Variants in IL7 observed in about 807,000 individuals in gnomAD.
IL7 encodes interleukin 7, also known as interleukin-7.
Under a neutral mutation model 21.6 loss-of-function variants are expected in IL7, and 3 were observed. The observed-to-expected ratio is 0.14, with a 90% CI of 0.06 to 0.36. The LOEUF is 0.36. Among genes scored for constraint, IL7 ranks in the 10% least tolerant of loss-of-function variants. The pLI is 1.00. For synonymous variants in IL7, 62 were observed against 68.1 expected (o/e 0.91, Z 0.44); for missense variants, 175 against 200.2 (o/e 0.87, Z 0.76).
rs572079893 is a variant in IL7, at chr8:78,712,869, C to T, written n.214+8479G>A. 1.2e-4 allele frequency among the ~76,000 whole-genome samples: 19 copies of T among 152,212 alleles called. No individual in the cohort carries two copies. The South Asian group carries it at 1.7e-3, about 13-fold the overall frequency. ...AACTTAGTTAACTTTTAAACCAACA[C>T]CTACTACAACAGTCTGCTCAGTATG... On this transcript the variant is annotated intron_variant and non_coding_transcript_variant, in intron 3 of 4. Transcript: ENST00000523959.
At chr8:78,798,270 G>A in intron 1 of IL7, 62 bp from the exon 2 acceptor site, 2 of 1,214,080 alleles carry the variant, frequency 1.6e-6, no homozygotes, top group South Asian at 3.1e-5. Flanking sequence ...TGATTGTGGG[G>A]TTTCAATGGA....
At chr8:78,789,233 A>G (rs775571558) in intron 2 of IL7, among the ~76,000 whole-genome samples, 2 of 152,192 alleles carry the variant, frequency 1.3e-5, no homozygotes, top group Non-Finnish European at 2.9e-5. Context: ...AGTTATTCAT[A>G]AAACAAAAAG....
intron 2 of IL7, among the ~76,000 whole-genome samples, chr8:78,788,907 G>T (rs1198042214): frequency 6.6e-6 from 1 of 152,128 alleles, no homozygotes; most frequent in Non-Finnish European, 1.5e-5. Flanking sequence ...GCTGTTTTTA[G>T]ATATGTACAG....
intron 2 of IL7, among the ~76,000 whole-genome samples, chr8:78,774,581 G>T (rs757544364): frequency 6.6e-6 from 1 of 151,896 alleles, no homozygotes; most frequent in African/African-American, 2.4e-5. Flanking sequence ...CAATTCTCGT[G>T]CAATTTATTG....
At chr8:78,799,691 G>A (rs1335591032) in intron 1 of IL7, among the ~76,000 whole-genome samples, 1 of 151,884 alleles carries the variant, frequency 6.6e-6, no homozygotes, top group Non-Finnish European at 1.5e-5. Flanking sequence ...AGTTCTGCAA[G>A]TTAGTCTTTC....
chr8:78,774,599 G>T (rs768135921), intron 2 of IL7, among the ~76,000 whole-genome samples: 1 of 151,956 alleles, frequency 6.6e-6, no homozygotes, highest in African/African-American at 2.4e-5. Context: ...TTGGCACTGT[G>T]CTTCTCATTT....
chr8:78,681,661 G>A (rs1809783563), intron 4 of IL7, among the ~76,000 whole-genome samples: 1 of 152,152 alleles, frequency 6.6e-6, no homozygotes, highest in East Asian at 1.9e-4. Context: ...AAAATTAAAG[G>A]TAGCTGAGCC....
intron 4 of IL7, among the ~76,000 whole-genome samples, chr8:78,677,645 A>C (rs181961219): frequency 0.019 from 2,924 of 150,124 alleles, 55 homozygotes; most frequent in Non-Finnish European, 0.027. Context: ...CATTTAGTGG[A>C]GACTTTTTTT....
chr8:78,695,025 T>C (rs769451335), intron 3 of IL7, among the ~76,000 whole-genome samples: 1 of 152,106 alleles, frequency 6.6e-6, no homozygotes, highest in Non-Finnish European at 1.5e-5. Flanking sequence ...CTTGATGTTG[T>C]AGAATAGATA....
chr8:78,678,448 T>C, intron 4 of IL7: 1 of 720,664 alleles, frequency 1.4e-6, no homozygotes, highest in East Asian at 2.6e-5. Flanking sequence ...TTATTTTGTA[T>C]TCAGGTTTTT....
At chr8:78,707,855 CTTTTTTT>C (rs34584205) in intron 3 of IL7, among the ~76,000 whole-genome samples, 2 of 143,342 alleles carry the variant, frequency 1.4e-5, no homozygotes, top group African/African-American at 5.1e-5. Flanking sequence ...CTTTTTTTTT[CTTTTTTT>C]TTTTTTAAGA....
At chr8:78,695,126 C>G (rs1006029245) in intron 3 of IL7, among the ~76,000 whole-genome samples, 1 of 152,052 alleles carries the variant, frequency 6.6e-6, no homozygotes, top group African/African-American at 2.4e-5. Flanking sequence ...TTTAAACAAG[C>G]AGTTTTCGGA....
intron 3 of IL7, among the ~76,000 whole-genome samples, chr8:78,722,102 CTT>C (rs1282819340): frequency 2.0e-5 from 3 of 151,792 alleles, no homozygotes; most frequent in Non-Finnish European, 4.4e-5. Flanking sequence ...GGTAAGTTAT[CTT>C]TTATATTTTG....
chr8:78,767,737 T>A (rs1463766754), intron 2 of IL7, among the ~76,000 whole-genome samples: 4 of 152,116 alleles, frequency 2.6e-5, no homozygotes, highest in African/African-American at 4.8e-5. Flanking sequence ...TTATTGATAT[T>A]TATTAATATC....
At chr8:78,746,091 T>G (rs1811969793) in intron 2 of IL7, among the ~76,000 whole-genome samples, 1 of 152,258 alleles carries the variant, frequency 6.6e-6, no homozygotes. Context: ...TTATACATTT[T>G]CAGATTAGAA....
rs149742285 is a variant in IL7 at position 78,752,694 on chromosome 8, G to A, written c.148-12612C>T. Reference sequence around the variant, plus strand: ...TGTGCCATGGTGGTTTGTTGCACCCGTCAACCCGTCATCTACATTAGGTAT... The same window carrying A: ...TGTGCCATGGTGGTTTGTTGCACCCATCAACCCGTCATCTACATTAGGTAT... On this transcript the variant is annotated intron_variant, in intron 2 of 5. Coordinates refer to ENST00000263851, the MANE Select transcript of IL7 (RefSeq NM_000880.4). Among the ~76,000 whole-genome samples the A allele has an allele frequency of 5.0e-3, 753 of 152,098 alleles. 5 individuals carry two copies. The highest frequency in any genetic ancestry group is 0.017 in the African/African-American group (706 of 41,484).
intron 5 of IL7, among the ~76,000 whole-genome samples, chr8:78,720,684 T>C (rs999730628): frequency 6.6e-6 from 1 of 151,888 alleles, no homozygotes; most frequent in African/African-American, 2.4e-5. Context: ...TTTGCCCAGC[T>C]CAACTGGGGC....
rs1404289793 is a variant in IL7, at chr8:78,762,136, A to G, written c.148-22054T>C. Reference sequence around the variant, plus strand: ...GTTCTTTTATTCGTTTTCTGTGTCTACTATGTGGGTTGTTCAAATGACTGT... The same window carrying G: ...GTTCTTTTATTCGTTTTCTGTGTCTGCTATGTGGGTTGTTCAAATGACTGT... On this transcript the variant is annotated intron_variant, in intron 2 of 5. Coordinates refer to ENST00000263851, the MANE Select transcript of IL7 (RefSeq NM_000880.4). 9 of 1,596,380 alleles carry G rather than the reference A, an allele frequency of 5.6e-6. No individual in the cohort carries two copies. The South Asian group carries it at 8.8e-5, about 16-fold the overall frequency.
At chr8:78,710,861 C>T (rs1312363970) in intron 3 of IL7, among the ~76,000 whole-genome samples, 2 of 152,020 alleles carry the variant, frequency 1.3e-5, no homozygotes, top group Non-Finnish European at 2.9e-5. Flanking sequence ...TTAATATCAA[C>T]TTTTTCAACA....
Sources: allele counts gnomAD v4.1 joint callset (sites outside exome capture counted in the v4.1 genomes callset), GRCh38; gene constraint gnomAD v4.1.1; transcripts MANE v1.5; gene names NCBI Gene and HGNC (gene_info 2026-07-23, HGNC 2026-07-21).